FRMPD2: variants seen among roughly 807,000 people sequenced by gnomAD.
The protein encoded by FRMPD2 is FERM and PDZ domain-containing protein 2.
In FRMPD2, 96 loss-of-function variants were observed where a neutral mutation model predicts 140.1. The ratio of observed to expected loss-of-function variants is 0.69; its 90% CI spans 0.58 to 0.81. The LOEUF is 0.81. Among genes scored for constraint, FRMPD2 ranks in the 40% least tolerant of loss-of-function variants. FRMPD2 has a pLI of 0.00. For synonymous variants in FRMPD2, 449 were observed against 547.6 expected, an observed-to-expected ratio of 0.82 and a Z score of 2.52; for missense variants, 1,240 against 1,447.4, an observed-to-expected ratio of 0.86 and a Z score of 2.32.
At chr10:48,212,235 T>G in intron 12 of FRMPD2, 126 bp from the exon 13 acceptor site, 1 of 857,552 alleles carries the variant, frequency 1.2e-6, no homozygotes, top group Non-Finnish European at 1.8e-6. Context: ...TTCCTCGAGG[T>G]GCCCACCTGG....
intron 28 of FRMPD2, among the ~76,000 whole-genome samples, chr10:48,159,717 A>G (rs1386293091): frequency 2.6e-5 from 4 of 151,690 alleles, no homozygotes; most frequent in Non-Finnish European, 5.9e-5. Flanking sequence ...TTATACCATC[A>G]CTTTCACAAA....
intron 1 of FRMPD2, 60 bp from the exon 2 acceptor site, chr10:48,251,751 C>T (rs984052526): frequency 4.4e-6 from 7 of 1,595,572 alleles, no homozygotes; most frequent in Admixed American, 3.4e-5. Context: ...TGTCCGGGCC[C>T]GTACTCGCCA....
At chr10:48,258,898 G>A (rs143498287) in intron 1 of FRMPD2, among the ~76,000 whole-genome samples, 12 of 152,240 alleles carry the variant, frequency 7.9e-5, no homozygotes, top group East Asian at 1.9e-4. Context: ...TTGAATTATT[G>A]CCAAATAAAA....
At chr10:48,257,491 G>T (rs565520421) in intron 1 of FRMPD2, among the ~76,000 whole-genome samples, 12 of 152,100 alleles carry the variant, frequency 7.9e-5, no homozygotes, top group African/African-American at 2.9e-4. Flanking sequence ...TGTTGGCCAG[G>T]CTAGTCTCTA....
At chr10:48,176,081 C>T (rs1838402015) in intron 22 of FRMPD2, 142 bp from the exon 23 acceptor site, 1 of 653,354 alleles carries the variant, frequency 1.5e-6, no homozygotes, top group Non-Finnish European at 2.8e-6. Flanking sequence ...TCTGTATTCA[C>T]CTGTTCGTTT....
At chr10:48,214,494 A>G (rs941080376) in intron 12 of FRMPD2, among the ~76,000 whole-genome samples, 8 of 152,212 alleles carry the variant, frequency 5.3e-5, no homozygotes, top group African/African-American at 1.9e-4. Flanking sequence ...CAGGATTTTT[A>G]TGGTGTCTGT....
chr10:48,187,665 GA>G (rs1270984060), intron 16 of FRMPD2, among the ~76,000 whole-genome samples: 1 of 152,316 alleles, frequency 6.6e-6, no homozygotes, highest in East Asian at 1.9e-4. Context: ...ACTGAAATGA[GA>G]TAGTAAGTGT....
chr10:48,208,196 A>G lies in FRMPD2; in HGVS notation c.1612-1263T>C, dbSNP rs573181661. ...AGGGCCACCACAAGATAATAGGCAG[A>G]CGCTTTTAAAGAATTTGGTGTGATA... On this transcript the variant is annotated intron_variant, in intron 13 of 28. Transcript: ENST00000374201. 4.6e-5 allele frequency among the ~76,000 whole-genome samples: 7 copies of G among 152,346 alleles called. No individual in the cohort carries two copies. The South Asian group carries it at 1.0e-3, about 23-fold the overall frequency.
intron 5 of FRMPD2, 92 bp from the exon 6 acceptor site, chr10:48,240,584 T>C (rs1348028309): frequency 2.5e-5 from 39 of 1,544,864 alleles, no homozygotes; most frequent in Non-Finnish European, 3.3e-5. Context: ...ACTGAATCAA[T>C]GTGGAATTGT....
At chr10:48,170,362 C>T (rs1838208430) in intron 26 of FRMPD2, among the ~76,000 whole-genome samples, 1 of 152,158 alleles carries the variant, frequency 6.6e-6, no homozygotes, top group African/African-American at 2.4e-5. Flanking sequence ...TCCAACAGCT[C>T]TCCATTCCTG....
At chr10:48,248,449 A>G (rs1039307745) in intron 3 of FRMPD2, 6 of 152,180 alleles carry the variant, frequency 3.9e-5, no homozygotes, top group Admixed American at 1.3e-4. Context: ...CCAAACTTGG[A>G]TAATATTATG....
At chr10:48,160,221 T>G (rs1262924573) in intron 28 of FRMPD2, among the ~76,000 whole-genome samples, 1 of 151,600 alleles carries the variant, frequency 6.6e-6, no homozygotes, top group Non-Finnish European at 1.5e-5. Context: ...TTACAAGATA[T>G]TTTTATAAAG....
chr10:48,250,963 A>T (rs964982716), intron 2 of FRMPD2, among the ~76,000 whole-genome samples: 13 of 143,452 alleles, frequency 9.1e-5, no homozygotes, highest in East Asian at 4.2e-4. Context: ...TACCTGGCAA[A>T]TTTTTTTTTT....
chr10:48,199,640 C>T (rs567532497), intron 15 of FRMPD2: 1 of 152,294 alleles, frequency 6.6e-6, no homozygotes, highest in South Asian at 2.1e-4. Context: ...AATCTAAACA[C>T]AAATGATAAA....
intron 20 of FRMPD2, among the ~76,000 whole-genome samples, chr10:48,182,703 T>G (rs1838581485): frequency 6.6e-6 from 1 of 151,746 alleles, no homozygotes. Flanking sequence ...AAACTCATTG[T>G]CTGGAATTCT....
Position 48,206,759 on chromosome 10 carries a change from T to C in FRMPD2, c.1786A>G (p.Ile596Val), listed in dbSNP as rs1288974047. The C allele has an allele frequency of 6.2e-7, 1 of 1,613,600 alleles. No homozygotes were observed. Among genetic ancestry groups the C allele is most frequent in the East Asian group, 2.2e-5 (1 of 44,884 alleles). Residue 596 changes from isoleucine to valine, a missense_variant, in exon 14 of 29, where the codon ATT becomes GTT. Around this residue, in one of 6 missense-constraint regions of FRMPD2, gnomAD observed 1,161 missense variants for 1,055.9 expected, o/e 1.10. Coordinates refer to ENST00000374201, the MANE Select transcript of FRMPD2 (RefSeq NM_001018071.4). ...TGAGCTACACTCACATAAGTAGAAA[T>C]CTTCCCGGTTTCTCTCCACTGAAAC... ...LRFQWRETGK[I>V]STYQKKFTIT...
chr10:48,182,497 A>T, intron 20 of FRMPD2, among the ~76,000 whole-genome samples: 1 of 152,220 alleles, frequency 6.6e-6, no homozygotes, highest in Non-Finnish European at 1.5e-5. Flanking sequence ...AGCTGCCTTA[A>T]CAGCAGCCTA....
At chr10:48,229,795 A>C (rs903448839) in intron 10 of FRMPD2, among the ~76,000 whole-genome samples, 1 of 152,150 alleles carries the variant, frequency 6.6e-6, no homozygotes, top group African/African-American at 2.4e-5. Flanking sequence ...CTTATCATCC[A>C]TGGAATGTTA....
intron 10 of FRMPD2, among the ~76,000 whole-genome samples, chr10:48,230,687 C>T (rs150400665): frequency 1.6e-3 from 242 of 152,326 alleles, no homozygotes; most frequent in African/African-American, 5.7e-3. Flanking sequence ...CACCTGTTAT[C>T]TGACTGTAGC....
Sources: gnomAD v4.1 joint callset for allele counts (sites outside exome capture counted in the v4.1 genomes callset) on GRCh38, gnomAD v4.1.1 for gene constraint, gnomAD v4.1.1 regional missense constraint, MANE v1.5 for transcripts, NCBI Gene and HGNC (gene_info 2026-07-23, HGNC 2026-07-21) for gene names.